IQSEC1: variants seen among roughly 807,000 people sequenced by gnomAD.
IQSEC1 encodes IQ motif and Sec7 domain ArfGEF 1.
Under a neutral mutation model 91.0 loss-of-function variants are expected in IQSEC1, and 31 were observed. That is an observed-to-expected ratio of 0.34 (90% CI 0.26 to 0.46). The LOEUF (loss-of-function observed/expected upper bound fraction) is 0.46, where lower values mean the gene tolerates loss of function less well. Among genes scored for constraint, IQSEC1 ranks in the 20% least tolerant of loss-of-function variants. The pLI, the probability that IQSEC1 is intolerant of heterozygous loss-of-function variation, is 1.00. For missense variants in IQSEC1, 1,388 were observed against 1,575.6 expected (o/e 0.88, Z 2.02); for synonymous variants, 699 against 662.6 (o/e 1.05, Z -0.84).
At chr3:13,144,380 C>T (rs1009186160) in intron 2 of IQSEC1, among the ~76,000 whole-genome samples, 2 of 152,136 alleles carry the variant, frequency 1.3e-5, no homozygotes, top group Non-Finnish European at 2.9e-5. Context: ...TCATGGCAGC[C>T]ACCCACATCA....
Position 12,994,597 on chromosome 3 carries a change from A to T in IQSEC1, c.24-52732T>A, listed in dbSNP as rs548512899. 2.0e-5 allele frequency among the ~76,000 whole-genome samples: 3 copies of T among 152,108 alleles called. No individual in the cohort carries two copies. The South Asian group carries it at 6.2e-4, about 32-fold the overall frequency. ...AAGTCCCCCGGCTCCTCCGAGGGAA[A>T]GCTGCAGCCCCGGCCGAAACGCCCC... On this transcript the variant is annotated intron_variant, in intron 1 of 13. Transcript: ENST00000613206. The surrounding 1 kb of genome is among the most constrained non-coding windows in gnomAD (Gnocchi z 4.5).
intron 1 of IQSEC1, among the ~76,000 whole-genome samples, chr3:12,958,784 A>G (rs1338805783): frequency 6.6e-6 from 1 of 152,156 alleles, no homozygotes; most frequent in African/African-American, 2.4e-5. Flanking sequence ...TCTATGTACC[A>G]AGCACTGTGC....
chr3:13,224,369 T>C (rs1694716545), intron 1 of IQSEC1, among the ~76,000 whole-genome samples: 2 of 151,872 alleles, frequency 1.3e-5, no homozygotes, highest in African/African-American at 4.8e-5. Flanking sequence ...ACTTCTGCCT[T>C]GGGGATCAAT....
intron 1 of IQSEC1, among the ~76,000 whole-genome samples, chr3:13,061,624 C>T (rs1422248026): frequency 6.6e-6 from 1 of 152,124 alleles, no homozygotes; most frequent in Non-Finnish European, 1.5e-5. Flanking sequence ...AGGGGCCAGC[C>T]GTCCGGTGGG....
intron 2 of IQSEC1, among the ~76,000 whole-genome samples, chr3:13,150,473 G>A (rs908899850): frequency 5.3e-5 from 8 of 152,196 alleles, no homozygotes; most frequent in Middle Eastern, 3.2e-3. Flanking sequence ...TGGACCATGC[G>A]TGAGGTGGCC....
intron 2 of IQSEC1, among the ~76,000 whole-genome samples, chr3:13,136,130 C>T (rs550988458): frequency 6.6e-6 from 1 of 152,304 alleles, no homozygotes; most frequent in Admixed American, 6.5e-5. Context: ...AGGGAGAAGA[C>T]ACAGAATAGA....
intron 1 of IQSEC1, among the ~76,000 whole-genome samples, chr3:13,030,999 T>C (rs1703823204): frequency 6.6e-6 from 1 of 152,282 alleles, no homozygotes; most frequent in Admixed American, 6.5e-5. Flanking sequence ...ACATTTATTT[T>C]AAAAGGAAAC....
intron 1 of IQSEC1, among the ~76,000 whole-genome samples, chr3:13,026,875 T>C (rs77400188): frequency 1.8e-5 from 1 of 55,234 alleles, no homozygotes; most frequent in African/African-American, 4.1e-5. Flanking sequence ...TTTTTTTTTT[T>C]TTTGTTTGTT....
At chr3:13,280,047 G>A (rs1174752555) in intron 1 of IQSEC1, among the ~76,000 whole-genome samples, 1 of 152,084 alleles carries the variant, frequency 6.6e-6, no homozygotes, top group Non-Finnish European at 1.5e-5. Context: ...TTTCCTCCAT[G>A]CCCATCTTTG....
chr3:13,242,253 G>A (rs1319969413), intron 1 of IQSEC1, among the ~76,000 whole-genome samples: 1 of 152,190 alleles, frequency 6.6e-6, no homozygotes, highest in Non-Finnish European at 1.5e-5. Context: ...TGATGCGGGT[G>A]AGCTGCTCAG....
intron 1 of IQSEC1, among the ~76,000 whole-genome samples, chr3:13,247,144 G>A (rs556904371): frequency 6.6e-6 from 1 of 152,272 alleles, no homozygotes; most frequent in East Asian, 1.9e-4. Context: ...ACCTGCTGGT[G>A]AGGTCTGCAG....
chr3:12,941,507 C>T (rs1044555471), intron 2 of IQSEC1, 64 bp downstream of exon 2: 1 of 1,431,368 alleles, frequency 7.0e-7, no homozygotes, highest in Non-Finnish European at 9.4e-7. Context: ...CTGGTGGGGG[C>T]ACACATGGTG....
chr3:12,908,223 CA>C lies in IQSEC1; in HGVS notation c.2755+125del, dbSNP rs1695194009. On this transcript the variant is annotated intron_variant, in intron 12 of 13. Coordinates refer to ENST00000613206, the MANE Select transcript of IQSEC1 (RefSeq NM_001134382.3). This position sits in a 1 kb window ranked among gnomAD's most constrained non-coding sequence, Gnocchi z 4.9. ...CACGCTGCTCTGCTTTGCGGAAGGTCAGGGGAAATGCCGCACTGGCTTCGCC... is the reference window on the plus strand; with the variant it reads ...CACGCTGCTCTGCTTTGCGGAAGGTCGGGGAAATGCCGCACTGGCTTCGCC... The C allele has an allele frequency of 5.1e-6, 5 of 979,208 alleles. No individual in the cohort carries two copies. The Admixed American group carries it at 1.3e-4, about 25-fold the overall frequency. The allele number at this position is 979,208 out of a possible 1,614,324, so 60.7% of individuals were successfully genotyped here.
At chr3:13,239,059 G>A (rs1001014956) in intron 1 of IQSEC1, among the ~76,000 whole-genome samples, 1 of 152,220 alleles carries the variant, frequency 6.6e-6, no homozygotes, top group Non-Finnish European at 1.5e-5. Context: ...GATGCCCCCT[G>A]CTCCCTGTGA....
At chr3:12,906,214 C>A (rs997325503) in intron 12 of IQSEC1, among the ~76,000 whole-genome samples, 1 of 152,216 alleles carries the variant, frequency 6.6e-6, no homozygotes, top group Non-Finnish European at 1.5e-5. Flanking sequence ...AGTGACGTGT[C>A]AAACATGGAG....
rs144337902 is a variant in IQSEC1, at chr3:13,048,296, C to T, written c.23+24696G>A. ...CACCTCACATTCTGTGTCTTCAGGG[C>T]GTGGAGTGATGCTTTCCTGGAGGCT... On this transcript the variant is annotated intron_variant, in intron 1 of 13. Coordinates refer to ENST00000613206, the MANE Select transcript of IQSEC1 (RefSeq NM_001134382.3). Among the ~76,000 whole-genome samples, 9 of 152,354 alleles carry T rather than the reference C, an allele frequency of 5.9e-5. No homozygotes were observed. In the East Asian group the frequency reaches 9.6e-4, roughly 16 times the overall value.
At chr3:13,047,750 G>A (rs770037574) in intron 1 of IQSEC1, among the ~76,000 whole-genome samples, 2 of 152,186 alleles carry the variant, frequency 1.3e-5, no homozygotes, top group Non-Finnish European at 2.9e-5. Flanking sequence ...GCAATGTCAA[G>A]TCCCACTGCC....
chr3:12,949,935 A>T lies in IQSEC1; in HGVS notation c.24-8070T>A, dbSNP rs558259485. On this transcript the variant is annotated intron_variant, in intron 1 of 13. Transcript: ENST00000613206. ...GACAGCTAGCAGTTTTGAACAGTTCAGCAATTTAAGAAGGGGCTGCTTTAA... is the reference window on the plus strand; with the variant it reads ...GACAGCTAGCAGTTTTGAACAGTTCTGCAATTTAAGAAGGGGCTGCTTTAA... Among the ~76,000 whole-genome samples the T allele has an allele frequency of 9.8e-5, 15 of 152,304 alleles. 2 individuals are homozygous for T. Among genetic ancestry groups the T allele is most frequent in the Admixed American group, 7.2e-4 (11 of 15,300 alleles).
At chr3:13,088,414 C>T (rs1705777434) in intron 2 of IQSEC1, among the ~76,000 whole-genome samples, 1 of 152,128 alleles carries the variant, frequency 6.6e-6, no homozygotes, top group South Asian at 2.1e-4. Flanking sequence ...GGCCCACCAG[C>T]TTCCCGAAGC....
Sources: allele counts gnomAD v4.1 joint callset (sites outside exome capture counted in the v4.1 genomes callset), GRCh38; gene constraint gnomAD v4.1.1; non-coding constraint Gnocchi (gnomAD v3.1); transcripts MANE v1.5; gene names NCBI Gene and HGNC (gene_info 2026-07-23, HGNC 2026-07-21).